The following MINK1 variants were observed in gnomAD, a reference collection of about 807,000 sequenced individuals.
MINK1 encodes the protein misshapen-like kinase 1.
A neutral mutation model predicts 178.4 loss-of-function variants in MINK1; 46 were observed. The ratio of observed to expected loss-of-function variants is 0.26; its 90% CI spans 0.20 to 0.33. The LOEUF (loss-of-function observed/expected upper bound fraction) is 0.33, where lower values mean the gene tolerates loss of function less well. Among genes scored for constraint, MINK1 ranks in the 10% least tolerant of loss-of-function variants. MINK1 has a pLI of 1.00. For missense variants in MINK1, 1,366 were observed against 1,814.9 expected (o/e 0.75, Z 4.49); for synonymous variants, 797 against 709.7 (o/e 1.12, Z -1.96).
chr17:4,858,309 C>T (rs920063699), intron 1 of MINK1, among the ~76,000 whole-genome samples: 7 of 152,154 alleles, frequency 4.6e-5, no homozygotes, highest in African/African-American at 1.7e-4. Context: ...GGGAGGGCCT[C>T]CCAGGCCAGC....
At position 4,895,486 on chromosome 17, in the gene MINK1, C is replaced by T. The variant is rs777000028; in HGVS notation, c.3222C>T (p.Thr1074=). 3 of 1,582,210 alleles carry T rather than the reference C, an allele frequency of 1.9e-6. No individual in the cohort carries two copies. In the Admixed American group the frequency reaches 5.2e-5, roughly 28 times the overall value. Residue 1074 remains threonine, a synonymous_variant, in exon 26 of 32, where the codon ACC becomes ACT. Coordinates refer to ENST00000355280, the MANE Select transcript of MINK1 (RefSeq NM_153827.5). This position sits in a 1 kb window ranked among gnomAD's most constrained non-coding sequence, Gnocchi z 4.3. ...DVLEGLNLLI[T]ISGKRNKLRV... is the part of the protein sequence containing the mutation. Reference sequence around the variant, plus strand: ...TGGAGGGGCTCAACCTGCTCATCACCATCTCAGGTACAGGTGTGGTGAGTG... The same window carrying T: ...TGGAGGGGCTCAACCTGCTCATCACTATCTCAGGTACAGGTGTGGTGAGTG...
chr17:4,859,155 C>G (rs1252694886), intron 1 of MINK1: 1 of 985,340 alleles, frequency 1.0e-6, no homozygotes, highest in African/African-American at 1.7e-5. Flanking sequence ...CCAGTCCTTC[C>G]TTGTCTCCAC....
intron 1 of MINK1, chr17:4,875,119 G>C: frequency 1.9e-6 from 1 of 520,078 alleles, no homozygotes; most frequent in Non-Finnish European, 3.8e-6. Context: ...GCCCCGGAAT[G>C]GATGAGTTCT....
chr17:4,886,375 G>A lies in MINK1; in HGVS notation c.774-76G>A. The A allele has an allele frequency of 6.5e-7, 1 of 1,536,302 alleles. No individual in the cohort carries two copies. Among genetic ancestry groups the A allele is most frequent in the Non-Finnish European group, 8.9e-7 (1 of 1,125,130 alleles). On this transcript the variant is annotated intron_variant, in intron 9 of 31. Coordinates refer to ENST00000355280, the MANE Select transcript of MINK1 (RefSeq NM_153827.5). The surrounding 1 kb of genome is among the most constrained non-coding windows in gnomAD (Gnocchi z 6.1). ...AGGGACGTCAAGGTGGCTTGTGGATGAATGATCCACCCTCTTCCTCCTGCA... is the reference window on the plus strand; with the variant it reads ...AGGGACGTCAAGGTGGCTTGTGGATAAATGATCCACCCTCTTCCTCCTGCA...
In MINK1 at chr17:4,894,283, G is replaced by T; in HGVS notation, c.2780G>T (p.Ser927Ile). 6.2e-7 allele frequency: 1 copy of T among 1,613,042 alleles called. No individual in the cohort carries two copies. ...HSPTENSKGQ[S>I]PPSKDGSGDY... Reference sequence around the variant, plus strand: ...CCCACCGAGAACAGCAAAGGCCAAAGCCCACCCTCGAAGGATGGGAGTGGT... The same window carrying T: ...CCCACCGAGAACAGCAAAGGCCAAATCCCACCCTCGAAGGATGGGAGTGGT... The change falls in exon 23 of 32, where the codon AGC (serine) becomes ATC (isoleucine). Residue 927 changes from serine to isoleucine, a missense_variant. Physicochemically the swap from Ser to Ile is moderately radical, Grantham distance 142. Around this residue, in one of 14 missense-constraint regions of MINK1, gnomAD observed 709 missense variants for 692.3 expected, o/e 1.02. Transcript: ENST00000355280. This position sits in a 1 kb window ranked among gnomAD's most constrained non-coding sequence, Gnocchi z 4.1.
intron 1 of MINK1, among the ~76,000 whole-genome samples, chr17:4,850,180 TGTA>T (rs1360261576): frequency 2.6e-5 from 4 of 152,092 alleles, no homozygotes; most frequent in Admixed American, 1.3e-4. Flanking sequence ...AACGCCACGT[TGTA>T]GTATCTAGCA....
In MINK1 at chr17:4,890,963, A is replaced by G; in HGVS notation, c.1579A>G (p.Thr527Ala). The G allele has an allele frequency of 1.3e-6, 2 of 1,556,314 alleles. No homozygotes were observed. The highest frequency in any genetic ancestry group is 8.7e-7 in the Non-Finnish European group (1 of 1,149,748). ...PAWAREVEER[T>A]RMNKQQNSPL... Reference sequence around the variant, plus strand: ...CTTCACATCACAGGTAGAAGAGAGAACAAGGATGAACAAGCAGCAGAACTC... The same window carrying G: ...CTTCACATCACAGGTAGAAGAGAGAGCAAGGATGAACAAGCAGCAGAACTC... Residue 527 changes from threonine to alanine, a missense_variant, in exon 15 of 32, where the codon ACA (threonine) becomes GCA (alanine). By Grantham distance (58) the Thr-to-Ala change is moderately conservative. Transcript: ENST00000355280.
chr17:4,847,159 T>C, intron 1 of MINK1: 3 of 480,548 alleles, frequency 6.2e-6, no homozygotes, highest in South Asian at 4.5e-5. Flanking sequence ...GACTTTGCCT[T>C]TGAGGCAATG....
chr17:4,894,074 G>A lies in MINK1; in HGVS notation c.2651G>A (p.Gly884Asp). 8 of 1,587,502 alleles carry A rather than the reference G, an allele frequency of 5.0e-6. No individual in the cohort carries two copies. The highest frequency in any genetic ancestry group is 6.9e-6 in the Non-Finnish European group (8 of 1,165,112). ...ITGTQPPYGG[G>D]TMVVQRTPEE... Reference sequence around the variant, plus strand: ...GGGACCCAGCCCCCATACGGGGGCGGCACCATGGTGGTCCAGCGCGTGAGT... The same window carrying A: ...GGGACCCAGCCCCCATACGGGGGCGACACCATGGTGGTCCAGCGCGTGAGT... The change falls in exon 22 of 32, where the codon GGC becomes GAC. Residue 884 changes from glycine (G) to aspartate (D), a missense_variant. Gly to Asp is a moderately conservative substitution (Grantham distance 94). This residue lies in a region of MINK1 where 709 missense variants were observed against 692.3 expected (regional missense o/e 1.02). Coordinates refer to ENST00000355280, the MANE Select transcript of MINK1 (RefSeq NM_153827.5). The surrounding 1 kb of genome is among the most constrained non-coding windows in gnomAD (Gnocchi z 4.1).
intron 1 of MINK1, among the ~76,000 whole-genome samples, chr17:4,839,939 ATGTGTGTGTGTGTG>A (rs34473686): frequency 4.2e-3 from 590 of 141,980 alleles, no homozygotes; most frequent in South Asian, 7.1e-3. Flanking sequence ...TTATTTATTA[ATGTGTGTGTGTGTG>A]TGTGTGTGTG....
In MINK1 at chr17:4,892,702, A is replaced by G; in HGVS notation, c.2245A>G (p.Ser749Gly). The G allele has an allele frequency of 1.9e-6, 3 of 1,612,026 alleles. No homozygotes were observed. The highest frequency in any genetic ancestry group is 2.5e-6 in the Non-Finnish European group (3 of 1,179,500). Residue 749 changes from serine (S) to glycine (G), a missense_variant, in exon 19 of 32, where the codon AGC becomes GGC. Coordinates refer to ENST00000355280, the MANE Select transcript of MINK1 (RefSeq NM_153827.5). ...RSDPGWERSD[S>G]VLPASHGHLP... ...CGACCCTGGCTGGGAACGCTCGGAC[A>G]GCGTCCTTCCAGCCTCTCACGGGCA...
chr17:4,876,739 G>A (rs767128400), intron 1 of MINK1, among the ~76,000 whole-genome samples: 1 of 152,078 alleles, frequency 6.6e-6, no homozygotes, highest in Non-Finnish European at 1.5e-5. Flanking sequence ...GCCTCCGCTC[G>A]GTCCCTGCAG....
intron 1 of MINK1, among the ~76,000 whole-genome samples, chr17:4,865,668 A>G (rs1054428284): frequency 1.8e-4 from 27 of 147,238 alleles, no homozygotes; most frequent in African/African-American, 6.5e-4. Context: ...GGATCGCTTG[A>G]GCCCAGAAGT....
At position 4,896,186 on chromosome 17, in the gene MINK1, T is replaced by G. The variant is rs371660068; in HGVS notation, c.3466-7T>G. ...CCTGAGCCCTCCTCTCCTCCGGTTC[T>G]CTGCAGTCCTTTGCCGACCTCCCCC... On this transcript the variant is annotated splice_region_variant and splice_polypyrimidine_tract_variant and intron_variant, in intron 28 of 31. Transcript: ENST00000355280. This position sits in a 1 kb window ranked among gnomAD's most constrained non-coding sequence, Gnocchi z 4.6. The G allele has an allele frequency of 3.8e-6, 6 of 1,597,804 alleles. No homozygotes were observed. Among genetic ancestry groups the G allele is most frequent in the African/African-American group, 2.7e-5 (2 of 74,658 alleles).
At chr17:4,868,229 G>A (rs1003043918) in intron 1 of MINK1, among the ~76,000 whole-genome samples, 7 of 152,012 alleles carry the variant, frequency 4.6e-5, no homozygotes, top group African/African-American at 1.7e-4. Flanking sequence ...CACCTTCCTC[G>A]ACCTCCCAAA....
Position 4,891,028 on chromosome 17 carries a change from G to A in MINK1, c.1644G>A (p.Glu548=). 1 of 1,558,566 alleles carries A rather than the reference G, an allele frequency of 6.4e-7. No homozygotes were observed. Among genetic ancestry groups the A allele is most frequent in the South Asian group, 1.2e-5 (1 of 84,422 alleles). The change falls in exon 15 of 32, where the codon GAG becomes GAA. Residue 548 remains glutamate (E), a synonymous_variant. Coordinates refer to ENST00000355280, the MANE Select transcript of MINK1 (RefSeq NM_153827.5). ...AKSKPGSTGP[E]PPIPQASPGP... is the part of the protein sequence containing the mutation. Reference sequence around the variant, plus strand: ...GCAAGCCAGGCAGCACGGGGCCTGAGCCCCCCATCCCCCAGGCCTCCCCAG... The same window carrying A: ...GCAAGCCAGGCAGCACGGGGCCTGAACCCCCCATCCCCCAGGCCTCCCCAG...
rs775216295 is a variant in MINK1 at position 4,892,735 on chromosome 17, C to G, written c.2278C>G (p.Gln760Glu). Residue 760 changes from glutamine (Q) to glutamate (E), a missense_variant, in exon 19 of 32, where the codon CAG becomes GAG. Physicochemically the swap from Gln to Glu is conservative, Grantham distance 29. Around this residue, in one of 14 missense-constraint regions of MINK1, gnomAD observed 709 missense variants for 692.3 expected, o/e 1.02. Transcript: ENST00000355280. The stretch of plus-strand genomic sequence containing the variant: ...TCCAGCCTCTCACGGGCACCTCCCC[C>G]AGGCTGGCTCACTGGAGCGGAACCG... Reference protein sequence around the residue: ...VLPASHGHLPQAGSLERNRVG... With the variant: ...VLPASHGHLPEAGSLERNRVG... 1 of 1,611,788 alleles carries G rather than the reference C, an allele frequency of 6.2e-7. No homozygotes were observed. The highest frequency in any genetic ancestry group is 8.5e-7 in the Non-Finnish European group (1 of 1,179,418).
intron 1 of MINK1, among the ~76,000 whole-genome samples, chr17:4,864,118 G>A (rs1396433542): frequency 6.6e-6 from 1 of 152,096 alleles, no homozygotes; most frequent in East Asian, 2.0e-4. Flanking sequence ...GGGCTATGGG[G>A]GCCAGGTGCA....
Position 4,896,751 on chromosome 17 carries a change from G to A in MINK1, c.3853G>A (p.Asp1285Asn), listed in dbSNP as rs747088046. The stretch of plus-strand genomic sequence containing the variant: ...CCGCTCTGTGGAGACGGGCCACCTC[G>A]ACGGGGTCTTCATGCACAAACGAGC... ...EIRSVETGHL[D>N]GVFMHKRAQR... is the part of the protein sequence containing the mutation. Residue 1285 changes from aspartate to asparagine, a missense_variant, in exon 31 of 32, where the codon GAC becomes AAC. Transcript: ENST00000355280. The surrounding 1 kb of genome is among the most constrained non-coding windows in gnomAD (Gnocchi z 4.6). 11 of 1,600,930 alleles carry A rather than the reference G, an allele frequency of 6.9e-6. 1 individual carries two copies. The highest frequency in any genetic ancestry group is 3.4e-5 in the Admixed American group (2 of 58,390).
Sources: allele counts gnomAD v4.1 joint callset (sites outside exome capture counted in the v4.1 genomes callset), GRCh38; gene constraint gnomAD v4.1.1; regional missense constraint gnomAD v4.1.1; non-coding constraint Gnocchi (gnomAD v3.1); transcripts MANE v1.5; gene names NCBI Gene and HGNC (gene_info 2026-07-23, HGNC 2026-07-21).